RFX2: variants seen among roughly 807,000 people sequenced by gnomAD.
RFX2 encodes DNA-binding protein RFX2.
RFX2 carries 20 observed loss-of-function variants against 87.8 expected under a neutral mutation model. The ratio of observed to expected loss-of-function variants is 0.23; its 90% CI spans 0.16 to 0.33. The LOEUF (loss-of-function observed/expected upper bound fraction) is 0.33, where lower values mean the gene tolerates loss of function less well. Ranked by LOEUF, RFX2 falls within the 10% of genes least tolerant of loss-of-function variation. RFX2 has a pLI of 1.00. For synonymous variants in RFX2, 397 were observed against 431.3 expected (o/e 0.92, Z 0.98); for missense variants, 767 against 1,012.3 (o/e 0.76, Z 3.29).
At position 6,047,451 on chromosome 19, in the gene RFX2, G is replaced by A. The variant is rs199616707; in HGVS notation, c.46C>T (p.Leu16=). 6.2e-7 allele frequency: 1 copy of A among 1,605,862 alleles called. No individual in the cohort carries two copies. Among genetic ancestry groups the A allele is most frequent in the East Asian group, 2.2e-5 (1 of 44,490 alleles). The change falls in exon 2 of 18, where the codon CTG becomes TTG. Residue 16 remains leucine (L), a synonymous_variant. Coordinates refer to ENST00000303657, the MANE Select transcript of RFX2 (RefSeq NM_000635.4). This position sits in a 1 kb window ranked among gnomAD's most constrained non-coding sequence, Gnocchi z 4.2. The part of the protein sequence containing the change: ...GGADSPASVA[L]RPSAAAPPVP... ...GGCGGGGCTGCCGCCGAGGGACGCAGAGCCACGGACGCTGGCGAATCCGCT... is the reference window on the plus strand; with the variant it reads ...GGCGGGGCTGCCGCCGAGGGACGCAAAGCCACGGACGCTGGCGAATCCGCT...
chr19:6,016,254 A>T lies in RFX2; in HGVS notation c.615T>A (p.Asp205Glu), dbSNP rs745738466. 10 of 1,607,236 alleles carry T rather than the reference A, an allele frequency of 6.2e-6. No homozygotes were observed. Among genetic ancestry groups the T allele is most frequent in the Non-Finnish European group, 6.8e-6 (8 of 1,176,698 alleles). Residue 205 changes from aspartate (D) to glutamate (E), a missense_variant, in exon 7 of 18, where the codon GAT (aspartate) becomes GAA (glutamate). Physicochemically the swap from Asp to Glu is conservative, Grantham distance 45. Around this residue, in one of 2 missense-constraint regions of RFX2, gnomAD observed 621 missense variants for 873.0 expected, o/e 0.71. Coordinates refer to ENST00000303657, the MANE Select transcript of RFX2 (RefSeq NM_000635.4). The surrounding 1 kb of genome is among the most constrained non-coding windows in gnomAD (Gnocchi z 5.4). ...LLNSHLQWLLDNYETAEGVSL... is the reference protein window; with the variant it reads ...LLNSHLQWLLENYETAEGVSL... ...TCACACCTTCCGCTGTTTCATAATT[A>T]TCCAACAGCCACTGGAGCTGTAAAA...
In RFX2 at chr19:6,108,856, G is replaced by C. The variant is rs1215634380; in HGVS notation, c.-9+1537C>G. On this transcript the variant is annotated intron_variant, in intron 1 of 17. Transcript: ENST00000303657. ...TGGCCCGGGCGCTTGGGGCCCTCGG[G>C]GGCCCTTGAAATAGCCACTAGGATC... Among the ~76,000 whole-genome samples, 4 of 152,158 alleles carry C rather than the reference G, an allele frequency of 2.6e-5. No individual in the cohort carries two copies. The East Asian group carries it at 5.8e-4, about 22-fold the overall frequency.
At chr19:6,093,600 C>T (rs1219816608) in intron 1 of RFX2, among the ~76,000 whole-genome samples, 3 of 151,682 alleles carry the variant, frequency 2.0e-5, no homozygotes, top group South Asian at 2.1e-4. Context: ...GAATATCAGA[C>T]CATTAGTAGA....
chr19:6,053,693 G>A (rs1415351592), intron 1 of RFX2, among the ~76,000 whole-genome samples: 1 of 152,114 alleles, frequency 6.6e-6, no homozygotes, highest in Non-Finnish European at 1.5e-5. Context: ...GGTGGCTCAT[G>A]CCTGTAATCC....
intron 1 of RFX2, among the ~76,000 whole-genome samples, chr19:6,062,932 C>T (rs963353047): frequency 1.3e-5 from 2 of 151,764 alleles, no homozygotes; most frequent in East Asian, 1.9e-4. Flanking sequence ...TGGCCAGTCG[C>T]GCATATTCAA....
chr19:6,096,636 C>T lies in RFX2; in HGVS notation c.-9+13757G>A, dbSNP rs10401273. ...TAATTTTTTATATTTTTAGTAGAGA[C>T]GGGGTTTCACCATGTTAGCCAGGAT... On this transcript the variant is annotated intron_variant, in intron 1 of 17. Transcript: ENST00000303657. 2.3e-3 allele frequency among the ~76,000 whole-genome samples: 351 copies of T among 152,198 alleles called. 1 individual carries two copies. The highest frequency in any genetic ancestry group is 0.013 in the East Asian group (68 of 5,168).
chr19:6,050,908 C>T lies in RFX2; in HGVS notation c.-8-3404G>A, dbSNP rs937842898. Among the ~76,000 whole-genome samples, 13 of 152,138 alleles carry T rather than the reference C, an allele frequency of 8.5e-5. No homozygotes were observed. Among genetic ancestry groups the T allele is most frequent in the African/African-American group, 3.1e-4 (13 of 41,406 alleles). On this transcript the variant is annotated intron_variant, in intron 1 of 17. Transcript: ENST00000303657. This position sits in a 1 kb window ranked among gnomAD's most constrained non-coding sequence, Gnocchi z 4.6. ...AAAAGAAGCAGTCAGAGAAAAACTA[C>T]ATATTATATTCGGAGAACAAGGGCA...
rs1259665328 is a variant in RFX2 at position 6,020,699 on chromosome 19, G to A, written c.598-4428C>T. Among the ~76,000 whole-genome samples the A allele has an allele frequency of 2.0e-5, 3 of 152,332 alleles. No homozygotes were observed. Among genetic ancestry groups the A allele is most frequent in the East Asian group, 1.9e-4 (1 of 5,192 alleles). On this transcript the variant is annotated intron_variant, in intron 6 of 17. Coordinates refer to ENST00000303657, the MANE Select transcript of RFX2 (RefSeq NM_000635.4). The surrounding 1 kb of genome is among the most constrained non-coding windows in gnomAD (Gnocchi z 5.3). ...CCACCTCCCCTGCTCTTGAGGGCTC[G>A]GGTACCTTCATGCCAGGAAAGGCAG... is the stretch of plus-strand genomic sequence containing the variant.
rs537804090 is a variant in RFX2 at position 6,101,802 on chromosome 19, T to C, written c.-9+8591A>G. Among the ~76,000 whole-genome samples, 1 of 152,354 alleles carries C rather than the reference T, an allele frequency of 6.6e-6. No individual in the cohort carries two copies. Among genetic ancestry groups the C allele is most frequent in the Admixed American group, 6.5e-5 (1 of 15,300 alleles). Reference sequence around the variant, plus strand: ...TTTCCTCCTTTGCCTTTTGAGCCTCTGTCCAGGTTCTCCCTCTACCTAAGA... The same window carrying C: ...TTTCCTCCTTTGCCTTTTGAGCCTCCGTCCAGGTTCTCCCTCTACCTAAGA... On this transcript the variant is annotated intron_variant, in intron 1 of 17. Coordinates refer to ENST00000303657, the MANE Select transcript of RFX2 (RefSeq NM_000635.4). This position sits in a 1 kb window ranked among gnomAD's most constrained non-coding sequence, Gnocchi z 4.9.
chr19:6,004,590 A>G lies in RFX2; in HGVS notation c.1403-292T>C, dbSNP rs1196074193. On this transcript the variant is annotated intron_variant, in intron 12 of 17. Transcript: ENST00000303657. This position sits in a 1 kb window ranked among gnomAD's most constrained non-coding sequence, Gnocchi z 4.8. The stretch of plus-strand genomic sequence containing the variant: ...GGTGGTCATGACTGCAGGGTGCCTC[A>G]GGCATGGAGTGGGTGGAGGCTAGGG... 6.6e-6 allele frequency among the ~76,000 whole-genome samples: 1 copy of G among 152,072 alleles called. No individual in the cohort carries two copies. The highest frequency in any genetic ancestry group is 1.5e-5 in the Non-Finnish European group (1 of 68,018).
At chr19:6,070,759 T>C (rs542748234) in intron 1 of RFX2, among the ~76,000 whole-genome samples, 14 of 152,296 alleles carry the variant, frequency 9.2e-5, no homozygotes, top group Admixed American at 7.2e-4. Flanking sequence ...TGGAGTACAG[T>C]GGTTGGATCA....
At chr19:6,090,031 C>T (rs912650730) in intron 1 of RFX2, among the ~76,000 whole-genome samples, 5 of 152,064 alleles carry the variant, frequency 3.3e-5, no homozygotes, top group East Asian at 3.8e-4. Flanking sequence ...GCATGTACAT[C>T]GCTCACTGCA....
At position 6,027,832 on chromosome 19, in the gene RFX2, C is replaced by G. The variant is rs1327434380; in HGVS notation, c.523-1595G>C. On this transcript the variant is annotated intron_variant, in intron 5 of 17. Transcript: ENST00000303657. This position sits in a 1 kb window ranked among gnomAD's most constrained non-coding sequence, Gnocchi z 5.0. Reference sequence around the variant, plus strand: ...CTGGAGTGCAGTGATGTGATCTCGGCTCAGGGCCACCTCTGCCTCCTAGGC... The same window carrying G: ...CTGGAGTGCAGTGATGTGATCTCGGGTCAGGGCCACCTCTGCCTCCTAGGC... Among the ~76,000 whole-genome samples, 1 of 152,218 alleles carries G rather than the reference C, an allele frequency of 6.6e-6. No homozygotes were observed. Among genetic ancestry groups the G allele is most frequent in the Non-Finnish European group, 1.5e-5 (1 of 68,042 alleles).
intron 1 of RFX2, among the ~76,000 whole-genome samples, chr19:6,077,707 C>T (rs1180042529): frequency 6.6e-6 from 1 of 152,154 alleles, no homozygotes; most frequent in African/African-American, 2.4e-5. Flanking sequence ...GGCGGCCGGG[C>T]GCGGTGGCTC....
At position 6,064,486 on chromosome 19, in the gene RFX2, C is replaced by G. The variant is rs575374231; in HGVS notation, c.-8-16982G>C. On this transcript the variant is annotated intron_variant, in intron 1 of 17. Transcript: ENST00000303657. This position sits in a 1 kb window ranked among gnomAD's most constrained non-coding sequence, Gnocchi z 4.8. ...CTCCTGTCCCAGCTTCAAAATCTTTCAGAGCGACTCATGCTGCCAGAGGGT... is the reference window on the plus strand; with the variant it reads ...CTCCTGTCCCAGCTTCAAAATCTTTGAGAGCGACTCATGCTGCCAGAGGGT... Among the ~76,000 whole-genome samples, 8 of 152,372 alleles carry G rather than the reference C, an allele frequency of 5.3e-5. No homozygotes were observed. Among genetic ancestry groups the G allele is most frequent in the African/African-American group, 1.9e-4 (8 of 41,588 alleles).
chr19:6,069,806 G>A (rs1274199217), intron 1 of RFX2, among the ~76,000 whole-genome samples: 1 of 152,190 alleles, frequency 6.6e-6, no homozygotes, highest in Admixed American at 6.5e-5. Context: ...GAGACAGGAG[G>A]ACCAGATGGC....
rs148529382 is a variant in RFX2 at position 6,040,589 on chromosome 19, T to A, written c.261-348A>T. Among the ~76,000 whole-genome samples, 1 of 151,886 alleles carries A rather than the reference T, an allele frequency of 6.6e-6. No individual in the cohort carries two copies. Among genetic ancestry groups the A allele is most frequent in the African/African-American group, 2.4e-5 (1 of 41,326 alleles). ...AGCCTGGGCAACATAGAGAGAACCA[T>A]CTCTACAAAAAATAAAAGATTTAGC... On this transcript the variant is annotated intron_variant, in intron 4 of 17. Coordinates refer to ENST00000303657, the MANE Select transcript of RFX2 (RefSeq NM_000635.4). This position sits in a 1 kb window ranked among gnomAD's most constrained non-coding sequence, Gnocchi z 6.1.
intron 1 of RFX2, among the ~76,000 whole-genome samples, chr19:6,082,293 CAAA>C (rs34361456): frequency 3.0e-4 from 30 of 99,858 alleles, no homozygotes; most frequent in Admixed American, 3.2e-4. Context: ...GACCCTGTCT[CAAA>C]AAAAAAAAAA....
At chr19:6,058,540 G>A (rs1043074612) in intron 1 of RFX2, among the ~76,000 whole-genome samples, 2 of 151,388 alleles carry the variant, frequency 1.3e-5, no homozygotes, top group Non-Finnish European at 1.5e-5. Flanking sequence ...CACACCAAGG[G>A]CAACCATCGT....
Sources: allele counts gnomAD v4.1 joint callset (sites outside exome capture counted in the v4.1 genomes callset), GRCh38; gene constraint gnomAD v4.1.1; regional missense constraint gnomAD v4.1.1; non-coding constraint Gnocchi (gnomAD v3.1); transcripts MANE v1.5; gene names NCBI Gene and HGNC (gene_info 2026-07-23, HGNC 2026-07-21).